PLCH2: variants seen among roughly 807,000 people sequenced by gnomAD.
PLCH2 encodes the protein phospholipase C eta 2, also known as 1-phosphatidylinositol 4,5-bisphosphate phosphodiesterase eta-2.
In PLCH2, 98 loss-of-function variants were observed where a neutral mutation model predicts 134.7. The ratio of observed to expected loss-of-function variants is 0.73; its 90% CI spans 0.62 to 0.86. The LOEUF (loss-of-function observed/expected upper bound fraction) is 0.86, where lower values mean the gene tolerates loss of function less well. Among genes scored for constraint, PLCH2 ranks in the 40% least tolerant of loss-of-function variants. The pLI is 0.00. For synonymous variants in PLCH2, 974 were observed against 827.5 expected (o/e 1.18, Z -3.04); for missense variants, 1,994 against 1,986.6 (o/e 1.00, Z -0.07).
At position 2,498,127 on chromosome 1, in the gene PLCH2, A is replaced by C; in HGVS notation, c.2225-396A>C. ...AGCAGGCCTCCCACTAGACCAGGCT[A>C]CTCCTGCTGTGGACCAGCTACTTCC... is the stretch of plus-strand genomic sequence containing the variant. On this transcript the variant is annotated intron_variant, in intron 16 of 21. Transcript: ENST00000378486. The surrounding 1 kb of genome is among the most constrained non-coding windows in gnomAD (Gnocchi z 5.4). 2 of 253,376 alleles carry C rather than the reference A, an allele frequency of 7.9e-6. No homozygotes were observed. Among genetic ancestry groups the C allele is most frequent in the Non-Finnish European group, 1.5e-5 (2 of 131,460 alleles). The allele number at this position is 253,376 out of a possible 1,614,324, so 15.7% of individuals were successfully genotyped here.
intron 1 of PLCH2, among the ~76,000 whole-genome samples, chr1:2,478,250 A>G (rs550248243): frequency 2.0e-5 from 3 of 152,196 alleles, no homozygotes; most frequent in East Asian, 3.9e-4. Flanking sequence ...GAGCTGTGTG[A>G]CCCAGGCAAG....
At chr1:2,497,671 C>A in intron 16 of PLCH2, 62 bp downstream of exon 16, 3 of 1,157,056 alleles carry the variant, frequency 2.6e-6, no homozygotes, top group South Asian at 1.4e-5. Context: ...CCTGGGTGTC[C>A]CCAGAACAGA....
At chr1:2,460,420 A>G (rs1033200832) in intron 2 of PLCH2, among the ~76,000 whole-genome samples, 10 of 152,170 alleles carry the variant, frequency 6.6e-5, no homozygotes, top group Admixed American at 1.3e-4. Context: ...AGGGGTATGG[A>G]ACAGGTGGGC....
chr1:2,456,457 G>A (rs1213798759), intron 2 of PLCH2, among the ~76,000 whole-genome samples: 2 of 152,232 alleles, frequency 1.3e-5, no homozygotes, highest in Non-Finnish European at 2.9e-5. Flanking sequence ...GCTCTCAGCT[G>A]TGCCTTAAAA....
chr1:2,460,267 G>C (rs1404459755), intron 2 of PLCH2, among the ~76,000 whole-genome samples: 4 of 152,258 alleles, frequency 2.6e-5, no homozygotes, highest in Non-Finnish European at 5.9e-5. Flanking sequence ...TCCCCCAAGA[G>C]CTAGGACCCC....
In PLCH2 at chr1:2,479,427, C is replaced by T. The variant is rs573275833; in HGVS notation, c.272-307C>T. 26 of 306,390 alleles carry T rather than the reference C, an allele frequency of 8.5e-5. No homozygotes were observed. The Middle Eastern group carries it at 3.0e-3, about 36-fold the overall frequency. 19.0% of individuals were successfully genotyped at this position (306,390 alleles called of 1,614,324 possible). ...GGAACGTGGAGACGTGCTGGTTAAACGTGGAGCCCCGGGCCAGCCGGGCAC... is the reference window on the plus strand; with the variant it reads ...GGAACGTGGAGACGTGCTGGTTAAATGTGGAGCCCCGGGCCAGCCGGGCAC... On this transcript the variant is annotated intron_variant, in intron 2 of 21. Transcript: ENST00000378486.
At chr1:2,453,228 C>T (rs553331516) in intron 2 of PLCH2, among the ~76,000 whole-genome samples, 5 of 152,342 alleles carry the variant, frequency 3.3e-5, no homozygotes, top group African/African-American at 9.6e-5. Context: ...GCCAGTGCCC[C>T]CACTGTGCTC....
rs1293696895 is a variant in PLCH2 at position 2,444,925 on chromosome 1, C to G, written c.115+14296C>G. Among the ~76,000 whole-genome samples the G allele has an allele frequency of 1.3e-5, 2 of 152,116 alleles. No homozygotes were observed. The highest frequency in any genetic ancestry group is 1.3e-4 in the Admixed American group (2 of 15,280). ...CCTGGGTGTCTGATCCTAGAGACTC[C>G]TTCAGCGAGGTGCAGCCTCAGAGGG... On this transcript the variant is annotated intron_variant, in intron 2 of 3. Transcript: ENST00000609981. This position sits in a 1 kb window ranked among gnomAD's most constrained non-coding sequence, Gnocchi z 4.6.
chr1:2,419,962 T>TCC, the PLCH2 span, among the ~76,000 whole-genome samples: 67 of 134,624 alleles, frequency 5.0e-4, no homozygotes, highest in African/African-American at 1.2e-3. Flanking sequence ...GCAGGCCAAG[T>TCC]CCCCCCCCCA....
upstream of PLCH2, among the ~76,000 whole-genome samples, chr1:2,473,931 T>C (rs1570386084): frequency 6.6e-6 from 1 of 152,360 alleles, no homozygotes; most frequent in Non-Finnish European, 1.5e-5. Flanking sequence ...TCAGGTGTCC[T>C]GGCTCAGGCT....
the PLCH2 span, among the ~76,000 whole-genome samples, chr1:2,416,256 C>T: frequency 1.1e-4 from 17 of 151,976 alleles, no homozygotes; most frequent in African/African-American, 4.1e-4. Flanking sequence ...AAAGTGGGCG[C>T]TGGTGCTGCT....
chr1:2,467,481 G>T (rs1395809218), exon 1 of PLCH2: 5 of 394,862 alleles, frequency 1.3e-5, no homozygotes, highest in Non-Finnish European at 2.2e-5. Flanking sequence ...CGGCAGGGCA[G>T]CGTGTGGGGC....
In PLCH2 at chr1:2,448,306, G is replaced by T. The variant is rs1247048232; in HGVS notation, c.115+17677G>T. On this transcript the variant is annotated intron_variant, in intron 2 of 3. Coordinates refer to the PLCH2 transcript ENST00000609981. The surrounding 1 kb of genome is among the most constrained non-coding windows in gnomAD (Gnocchi z 4.0). The stretch of plus-strand genomic sequence containing the variant: ...AAGTCTGAGGTCAGGGTGTGGGTGG[G>T]GCCGCGCTCCCTCTGCAGGCTCCCC... Among the ~76,000 whole-genome samples, 1 of 152,142 alleles carries T rather than the reference G, an allele frequency of 6.6e-6. No homozygotes were observed. Among genetic ancestry groups the T allele is most frequent in the Non-Finnish European group, 1.5e-5 (1 of 68,020 alleles).
chr1:2,450,043 G>A (rs951059248), intron 2 of PLCH2, among the ~76,000 whole-genome samples: 4 of 152,202 alleles, frequency 2.6e-5, no homozygotes, highest in Non-Finnish European at 4.4e-5. Flanking sequence ...TGTCTCCCTG[G>A]CTCCCCTGGG....
Position 2,478,574 on chromosome 1 carries a change from C to T in PLCH2, c.223C>T (p.Arg75Cys), listed in dbSNP as rs371650535. The change falls in exon 2 of 22, where the codon CGC becomes TGC. Residue 75 changes from arginine (R) to cysteine (C), a missense_variant. Physicochemically the swap from Arg to Cys is radical, Grantham distance 180. Transcript: ENST00000378486. Reference sequence around the variant, plus strand: ...CCGCTTCTACTACCTGGACGAGCACCGCTCCTGCATCCGCTGGAGGCCCTC... The same window carrying T: ...CCGCTTCTACTACCTGGACGAGCACTGCTCCTGCATCCGCTGGAGGCCCTC... The part of the protein sequence containing the change: ...LVRFYYLDEH[R>C]SCIRWRPSRK... 2.7e-5 allele frequency: 44 copies of T among 1,612,186 alleles called. No homozygotes were observed. Among genetic ancestry groups the T allele is most frequent in the South Asian group, 3.3e-5 (3 of 90,992 alleles).
At chr1:2,499,254 C>T (rs772502760) in intron 19 of PLCH2, 24 bp downstream of exon 19, 5 of 1,610,904 alleles carry the variant, frequency 3.1e-6, no homozygotes, top group South Asian at 2.2e-5. Context: ...GACACGGTGC[C>T]CCCCACACTG....
At chr1:2,423,546 G>T (rs1026837254), upstream of PLCH2, among the ~76,000 whole-genome samples, 4 of 152,132 alleles carry the variant, frequency 2.6e-5, no homozygotes, top group African/African-American at 7.2e-5. Flanking sequence ...CTCCCCTGGA[G>T]TTCTGGGCTG....
intron 2 of PLCH2, among the ~76,000 whole-genome samples, chr1:2,454,096 A>G (rs1223019926): frequency 6.6e-6 from 1 of 152,180 alleles, no homozygotes; most frequent in Non-Finnish European, 1.5e-5. Flanking sequence ...CACTGTGGGC[A>G]TAGCCATGAG....
chr1:2,476,571 C>A lies in PLCH2; in HGVS notation c.-18C>A. 6.7e-7 allele frequency: 1 copy of A among 1,495,944 alleles called. No homozygotes were observed. Among genetic ancestry groups the A allele is most frequent in the Non-Finnish European group, 8.9e-7 (1 of 1,129,766 alleles). 92.7% of individuals were successfully genotyped at this position (1,495,944 alleles called of 1,614,324 possible). On this transcript the variant is annotated 5_prime_UTR_variant, in exon 1 of 22. Transcript: ENST00000378486. ...GCCTCTGTGGCCTCCGTGAAGCAGG[C>A]CCGGCTGTCGTCAGGCCATGTCTGG...
Sources: allele counts gnomAD v4.1 joint callset (sites outside exome capture counted in the v4.1 genomes callset), GRCh38; gene constraint gnomAD v4.1.1; non-coding constraint Gnocchi (gnomAD v3.1); transcripts MANE v1.5; gene names NCBI Gene and HGNC (gene_info 2026-07-23, HGNC 2026-07-21).